Variants in FMNL2 observed in about 807,000 individuals in gnomAD.
FMNL2 encodes the protein formin-like protein 2.
In FMNL2, 51 loss-of-function variants were observed where a neutral mutation model predicts 130.2. That is an observed-to-expected ratio of 0.39 (90% CI 0.31 to 0.49). The LOEUF (loss-of-function observed/expected upper bound fraction) is 0.49. Ranked by LOEUF, FMNL2 falls within the 20% of genes least tolerant of loss-of-function variation. The pLI is 0.85. For synonymous variants in FMNL2, 465 were observed against 467.1 expected, an observed-to-expected ratio of 1.00 and a Z score of 0.06; for missense variants, 977 against 1,316.2, an observed-to-expected ratio of 0.74 and a Z score of 3.99.
intron 1 of FMNL2, among the ~76,000 whole-genome samples, chr2:152,461,068 G>C (rs1689213567): frequency 6.6e-6 from 1 of 152,130 alleles, no homozygotes; most frequent in African/African-American, 2.4e-5. Flanking sequence ...GTTGGGGGCT[G>C]CTGCTGTAGA....
At chr2:152,372,080 G>A (rs1683917494) in intron 1 of FMNL2, among the ~76,000 whole-genome samples, 2 of 152,304 alleles carry the variant, frequency 1.3e-5, no homozygotes, top group East Asian at 1.9e-4. Flanking sequence ...CTCACATGTC[G>A]GGTGTAGTAT....
At chr2:152,581,075 G>T (rs767480363) in intron 9 of FMNL2, 26 bp downstream of exon 9, 1 of 1,582,842 alleles carries the variant, frequency 6.3e-7, no homozygotes, top group Non-Finnish European at 8.7e-7. Flanking sequence ...GTTTTCATAA[G>T]AATACTCACA....
chr2:152,471,833 C>A (rs187329042), intron 1 of FMNL2, among the ~76,000 whole-genome samples: 1 of 152,182 alleles, frequency 6.6e-6, no homozygotes, highest in African/African-American at 2.4e-5. Flanking sequence ...GTTTTTTTAA[C>A]CCAGTGTTTC....
intron 6 of FMNL2, among the ~76,000 whole-genome samples, chr2:152,573,432 C>T (rs1166082430): frequency 6.6e-6 from 1 of 152,170 alleles, no homozygotes; most frequent in Non-Finnish European, 1.5e-5. Flanking sequence ...ATGAGCAACT[C>T]GTGGAAAGTG....
At chr2:152,608,836 G>T (rs372671531) in intron 10 of FMNL2, among the ~76,000 whole-genome samples, 49 of 152,160 alleles carry the variant, frequency 3.2e-4, no homozygotes, top group East Asian at 2.3e-3. Context: ...TATGAGTTCA[G>T]TCTGACAGTG....
intron 1 of FMNL2, among the ~76,000 whole-genome samples, chr2:152,396,999 A>G (rs1469044912): frequency 1.3e-5 from 2 of 152,220 alleles, no homozygotes; most frequent in Non-Finnish European, 2.9e-5. Flanking sequence ...TTTGTAGACT[A>G]AATATGTTAT....
chr2:152,439,247 A>T (rs767617989), intron 1 of FMNL2, among the ~76,000 whole-genome samples: 5 of 152,182 alleles, frequency 3.3e-5, no homozygotes, highest in Non-Finnish European at 7.3e-5. Context: ...AATATAATCA[A>T]GGGGAGCTGT....
chr2:152,551,275 A>C (rs375104027), intron 4 of FMNL2, among the ~76,000 whole-genome samples: 1 of 152,190 alleles, frequency 6.6e-6, no homozygotes, highest in Non-Finnish European at 1.5e-5. Context: ...GGTTGAAGCC[A>C]GTGCAGTCTG....
In FMNL2 at chr2:152,636,411, T is replaced by G; in HGVS notation, c.2681-16T>G. ...TCCCCATTGAGTTTCACTGGGATGT[T>G]CTTTCTCTGCTTTAGTCTCCCTTGA... On this transcript the variant is annotated splice_polypyrimidine_tract_variant and intron_variant, in intron 21 of 25. Coordinates refer to ENST00000288670, the MANE Select transcript of FMNL2 (RefSeq NM_052905.4). The G allele has an allele frequency of 6.2e-7, 1 of 1,605,062 alleles. No homozygotes were observed. The highest frequency in any genetic ancestry group is 8.5e-7 in the Non-Finnish European group (1 of 1,175,088).
intron 6 of FMNL2, among the ~76,000 whole-genome samples, chr2:152,570,472 T>G (rs1032611175): frequency 2.0e-5 from 3 of 152,294 alleles, no homozygotes; most frequent in African/African-American, 7.2e-5. Context: ...AAAATTAGAC[T>G]CAGCTATTTT....
At chr2:152,479,246 A>G (rs562388408) in intron 1 of FMNL2, among the ~76,000 whole-genome samples, 1 of 150,902 alleles carries the variant, frequency 6.6e-6, no homozygotes, top group Admixed American at 6.6e-5. Flanking sequence ...GCCTCAGCCA[A>G]TCCTCCTGCC....
chr2:152,444,810 C>T (rs527571240), intron 1 of FMNL2, among the ~76,000 whole-genome samples: 1 of 152,252 alleles, frequency 6.6e-6, no homozygotes, highest in African/African-American at 2.4e-5. Context: ...CTCAGTGTCC[C>T]CTGCTCCACC....
At chr2:152,355,616 A>C (rs1682737650) in intron 1 of FMNL2, among the ~76,000 whole-genome samples, 1 of 152,206 alleles carries the variant, frequency 6.6e-6, no homozygotes, top group Admixed American at 6.5e-5. Flanking sequence ...TCTAGAAATG[A>C]AAATCTGACC....
At chr2:152,519,946 A>G (rs1401295170) in intron 1 of FMNL2, among the ~76,000 whole-genome samples, 1 of 152,218 alleles carries the variant, frequency 6.6e-6, no homozygotes, top group South Asian at 2.1e-4. Context: ...ATGAAGGTCA[A>G]CACCAGTTTA....
chr2:152,645,012 T>G (rs1387676625), intron 25 of FMNL2, among the ~76,000 whole-genome samples: 1 of 152,176 alleles, frequency 6.6e-6, no homozygotes, highest in Non-Finnish European at 1.5e-5. Flanking sequence ...GGGTATGTGT[T>G]TATTTTGTGG....
At chr2:152,458,260 C>G (rs1001997597) in intron 1 of FMNL2, among the ~76,000 whole-genome samples, 1 of 152,080 alleles carries the variant, frequency 6.6e-6, no homozygotes. Flanking sequence ...CTAGACAGCC[C>G]CATTTGATAT....
intron 18 of FMNL2, 65 bp from the exon 19 acceptor site, chr2:152,629,591 G>T: frequency 7.0e-7 from 1 of 1,424,790 alleles, no homozygotes. Flanking sequence ...ATATTTACTT[G>T]CCAATTAGTT....
intron 1 of FMNL2, among the ~76,000 whole-genome samples, chr2:152,412,715 G>A (rs927562390): frequency 2.0e-5 from 3 of 151,580 alleles, no homozygotes; most frequent in Admixed American, 6.6e-5. Flanking sequence ...GGCTGAGGTG[G>A]GAGGATCACT....
chr2:152,347,851 G>A (rs952123269), intron 1 of FMNL2, among the ~76,000 whole-genome samples: 9 of 151,900 alleles, frequency 5.9e-5, no homozygotes, highest in Admixed American at 4.6e-4. Context: ...ATCCCTCACA[G>A]CCTTCTTCCT....
Sources: gnomAD v4.1 joint callset for allele counts (sites outside exome capture counted in the v4.1 genomes callset) on GRCh38, gnomAD v4.1.1 for gene constraint, MANE v1.5 for transcripts, NCBI Gene and HGNC (gene_info 2026-07-23, HGNC 2026-07-21) for gene names.